Variants in IKZF2 observed in about 807,000 individuals in gnomAD.
IKZF2 encodes IKAROS family zinc finger 2.
IKZF2 carries 15 observed loss-of-function variants against 49.2 expected under a neutral mutation model. That is an observed-to-expected ratio of 0.30 (90% CI 0.20 to 0.47). The LOEUF (loss-of-function observed/expected upper bound fraction) is 0.47, where lower values mean the gene tolerates loss of function less well. IKZF2 is among the 20% of genes least tolerant of loss of function. The pLI is 1.00. For synonymous variants in IKZF2, 227 were observed against 221.4 expected (o/e 1.03, Z -0.23); for missense variants, 567 against 664.6 (o/e 0.85, Z 1.61).
At chr2:213,009,452 G>GGTTA (rs1166135495) in intron 8 of IKZF2, among the ~76,000 whole-genome samples, 1 of 152,022 alleles carries the variant, frequency 6.6e-6, no homozygotes, top group Admixed American at 6.6e-5. Context: ...TCCCATAAAT[G>GGTTA]GTTAATATGT....
intron 4 of IKZF2, among the ~76,000 whole-genome samples, chr2:213,059,202 T>A (rs534980415): frequency 5.9e-5 from 9 of 151,898 alleles, no homozygotes; most frequent in African/African-American, 1.9e-4. Context: ...TGCCCATTTT[T>A]CTATCAGGTT....
At chr2:213,105,765 C>T (rs1201744611) in intron 4 of IKZF2, among the ~76,000 whole-genome samples, 2 of 152,168 alleles carry the variant, frequency 1.3e-5, no homozygotes, top group Non-Finnish European at 2.9e-5. Context: ...CAAAGAACTT[C>T]TTCAGCCACG....
intron 8 of IKZF2, among the ~76,000 whole-genome samples, chr2:213,012,237 A>G (rs1167034344): frequency 1.3e-5 from 2 of 151,792 alleles, no homozygotes; most frequent in African/African-American, 4.8e-5. Context: ...AAAATATAAT[A>G]TAAATATTTT....
intron 4 of IKZF2, among the ~76,000 whole-genome samples, chr2:213,060,194 A>G (rs1285971522): frequency 6.6e-6 from 1 of 151,328 alleles, no homozygotes; most frequent in African/African-American, 2.4e-5. Context: ...TTCTCCACTC[A>G]TAGAAACTCT....
At chr2:213,102,515 C>T (rs568750079) in intron 4 of IKZF2, among the ~76,000 whole-genome samples, 15 of 152,126 alleles carry the variant, frequency 9.9e-5, no homozygotes, top group East Asian at 1.9e-4. Flanking sequence ...TCTTGGTTTG[C>T]TCCCAATGTA....
At position 213,096,429 on chromosome 2, in the gene IKZF2, C is replaced by A. The variant is rs1183618949; in HGVS notation, c.140-39330G>T. Among the ~76,000 whole-genome samples, 4 of 151,182 alleles carry A rather than the reference C, an allele frequency of 2.6e-5. No individual in the cohort carries two copies. In the South Asian group the frequency reaches 6.2e-4, roughly 24 times the overall value. ...TTTAACATTTTAGCATGTTTCTTTTCAAAAAAATTTGAGATTTTATCTATC... is the reference window on the plus strand; with the variant it reads ...TTTAACATTTTAGCATGTTTCTTTTAAAAAAAATTTGAGATTTTATCTATC... On this transcript the variant is annotated intron_variant, in intron 4 of 8. Coordinates refer to ENST00000434687, the MANE Select transcript of IKZF2 (RefSeq NM_001387220.1).
At chr2:213,029,997 T>C (rs1272070829) in intron 6 of IKZF2, among the ~76,000 whole-genome samples, 2 of 152,154 alleles carry the variant, frequency 1.3e-5, no homozygotes, top group Non-Finnish European at 2.9e-5. Flanking sequence ...TCAAATGATC[T>C]ATTTCATGCC....
intron 4 of IKZF2, among the ~76,000 whole-genome samples, chr2:213,066,839 A>C (rs1702210531): frequency 6.6e-6 from 1 of 152,112 alleles, no homozygotes; most frequent in Non-Finnish European, 1.5e-5. Flanking sequence ...CCTATGAAGT[A>C]TTTAAATCAT....
chr2:213,055,835 A>G (rs528862066), intron 5 of IKZF2, among the ~76,000 whole-genome samples: 2 of 152,250 alleles, frequency 1.3e-5, no homozygotes, highest in Non-Finnish European at 2.9e-5. Context: ...TAATTGTTAA[A>G]CTATTTAGAA....
At chr2:213,081,673 T>C (rs1173618138) in intron 4 of IKZF2, among the ~76,000 whole-genome samples, 1 of 152,132 alleles carries the variant, frequency 6.6e-6, no homozygotes, top group Non-Finnish European at 1.5e-5. Context: ...CATGTGCGAA[T>C]GCAATGGAGT....
intron 4 of IKZF2, among the ~76,000 whole-genome samples, chr2:213,108,775 C>A (rs6751958): frequency 0.022 from 3,299 of 151,722 alleles, 124 homozygotes; most frequent in African/African-American, 0.075. Context: ...GCTTTTTTTG[C>A]TAATATAAAA....
At chr2:213,144,907 C>A (rs2060995101) in intron 4 of IKZF2, among the ~76,000 whole-genome samples, 1 of 151,874 alleles carries the variant, frequency 6.6e-6, no homozygotes, top group Non-Finnish European at 1.5e-5. Context: ...CAAAAACTGT[C>A]AGGCATTATA....
In IKZF2 at chr2:213,013,914, T is replaced by C; in HGVS notation, c.733A>G (p.Lys245Glu). ...SHHVPPMEDC[K>E]EQEPIMDNNI... Reference sequence around the variant, plus strand: ...TTGTCCATAATAGGCTCTTGTTCCTTACAATCTTCCATAGGAGGTACTATA... The same window carrying C: ...TTGTCCATAATAGGCTCTTGTTCCTCACAATCTTCCATAGGAGGTACTATA... Residue 245 changes from lysine to glutamate, a missense_variant, in exon 8 of 9, where the codon AAG becomes GAG. Lys to Glu is a moderately conservative substitution (Grantham distance 56, BLOSUM62 1). This residue lies in a region of IKZF2 where 310 missense variants were observed against 326.9 expected (regional missense o/e 0.95). Transcript: ENST00000434687. The C allele has an allele frequency of 6.2e-7, 1 of 1,611,484 alleles. No homozygotes were observed.
At chr2:213,023,865 C>T (rs1385006585) in intron 6 of IKZF2, among the ~76,000 whole-genome samples, 2 of 152,114 alleles carry the variant, frequency 1.3e-5, no homozygotes, top group South Asian at 4.1e-4. Context: ...CTCTGTTGTA[C>T]TATGAGCATA....
chr2:213,063,391 C>T (rs1050910888), intron 4 of IKZF2, among the ~76,000 whole-genome samples: 2 of 151,928 alleles, frequency 1.3e-5, no homozygotes, highest in African/African-American at 4.8e-5. Flanking sequence ...TCTCTACCAC[C>T]TCTTCTGCCA....
chr2:213,150,455 C>CCCTCCT (rs3217488), intron 1 of IKZF2: 28,408 of 185,674 alleles, frequency 0.15, 2,452 homozygotes, highest in Non-Finnish European at 0.22. Flanking sequence ...AAGAACACCC[C>CCCTCCT]CCTCCTCCTC....
intron 4 of IKZF2, among the ~76,000 whole-genome samples, chr2:213,105,119 C>G (rs1010780513): frequency 1.3e-5 from 2 of 152,120 alleles, no homozygotes; most frequent in Non-Finnish European, 2.9e-5. Flanking sequence ...AAAGACTTCC[C>G]TTAATGCTTT....
chr2:213,136,018 C>A (rs1412612073), intron 4 of IKZF2, among the ~76,000 whole-genome samples: 2 of 144,552 alleles, frequency 1.4e-5, no homozygotes, highest in African/African-American at 5.3e-5. Context: ...CACGGCACTC[C>A]AGCCTGGGCT....
chr2:213,082,588 A>C (rs528350767), intron 4 of IKZF2, among the ~76,000 whole-genome samples: 1 of 152,244 alleles, frequency 6.6e-6, no homozygotes, highest in African/African-American at 2.4e-5. Context: ...TTAGAACTTA[A>C]CACATATATA....
Sources: allele counts gnomAD v4.1 joint callset (sites outside exome capture counted in the v4.1 genomes callset), GRCh38; gene constraint gnomAD v4.1.1; regional missense constraint gnomAD v4.1.1; transcripts MANE v1.5; gene names NCBI Gene and HGNC (gene_info 2026-07-23, HGNC 2026-07-21).